The following WWOX variants were observed in gnomAD, a reference collection of about 807,000 sequenced individuals.
The protein encoded by WWOX is WW domain containing oxidoreductase.
In WWOX, 69 loss-of-function variants were observed where a neutral mutation model predicts 46.2. The ratio of observed to expected loss-of-function variants is 1.49; its 90% CI spans 1.23 to 1.82. The LOEUF (loss-of-function observed/expected upper bound fraction) is 1.82, where lower values mean the gene tolerates loss of function less well. Ranked by LOEUF, WWOX falls within the 40% of genes most tolerant of loss-of-function variation. The pLI, the probability that WWOX is intolerant of heterozygous loss-of-function variation, is 0.00. For missense variants in WWOX, 919 were observed against 542.6 expected (o/e 1.69, Z -6.89); for synonymous variants, 359 against 202.6 (o/e 1.77, Z -6.56).
chr16:78,623,438 G>C (rs1364866192), intron 8 of WWOX, among the ~76,000 whole-genome samples: 2 of 152,134 alleles, frequency 1.3e-5, no homozygotes, highest in African/African-American at 4.8e-5. Context: ...CCAGCACTTT[G>C]GGAGACCAAG....
At chr16:78,352,043 C>T (rs1321488272) in intron 5 of WWOX, among the ~76,000 whole-genome samples, 2 of 152,120 alleles carry the variant, frequency 1.3e-5, no homozygotes, top group Non-Finnish European at 1.5e-5. Context: ...GCTTTGGAGT[C>T]AGCGAGACAG....
At chr16:78,718,734 C>T (rs1226518178) in intron 8 of WWOX, among the ~76,000 whole-genome samples, 1 of 151,840 alleles carries the variant, frequency 6.6e-6, no homozygotes, top group Non-Finnish European at 1.5e-5. Flanking sequence ...TCCAATGTTT[C>T]TGAAGGATGT....
intron 8 of WWOX, among the ~76,000 whole-genome samples, chr16:78,868,507 T>G (rs1597083524): frequency 6.6e-6 from 1 of 152,194 alleles, no homozygotes; most frequent in Admixed American, 6.5e-5. Flanking sequence ...TTACAATGGT[T>G]AAATCATATG....
intron 5 of WWOX, among the ~76,000 whole-genome samples, chr16:78,181,274 G>A (rs1255171642): frequency 6.6e-6 from 1 of 152,128 alleles, no homozygotes; most frequent in African/African-American, 2.4e-5. Context: ...GCTTTGCATC[G>A]TGGTGACGGT....
intron 8 of WWOX, among the ~76,000 whole-genome samples, chr16:79,123,289 A>G (rs1194891909): frequency 6.6e-6 from 1 of 152,010 alleles, no homozygotes; most frequent in Non-Finnish European, 1.5e-5. Flanking sequence ...ATCTAAGTTT[A>G]GACGCCCTCC....
chr16:78,932,422 G>A (rs371258015), intron 8 of WWOX, among the ~76,000 whole-genome samples: 39 of 152,256 alleles, frequency 2.6e-4, no homozygotes, highest in African/African-American at 7.7e-4. Context: ...AACATGCTGC[G>A]TCAGAGAGTT....
chr16:78,393,490 C>G (rs928315014), intron 6 of WWOX, among the ~76,000 whole-genome samples: 1 of 151,066 alleles, frequency 6.6e-6, no homozygotes, highest in Admixed American at 6.6e-5. Context: ...GAGACGCTGT[C>G]TCTATATTAC....
chr16:78,527,299 T>TG (rs1298935597), intron 8 of WWOX, among the ~76,000 whole-genome samples: 1 of 149,910 alleles, frequency 6.7e-6, no homozygotes, highest in Non-Finnish European at 1.5e-5. Flanking sequence ...TTTCTTTCTT[T>TG]TTTTTTTTTT....
At chr16:78,231,761 G>A (rs1282589676) in intron 5 of WWOX, among the ~76,000 whole-genome samples, 1 of 152,192 alleles carries the variant, frequency 6.6e-6, no homozygotes, top group South Asian at 2.1e-4. Flanking sequence ...CTGATTCAGA[G>A]AAATCCAGGG....
At chr16:79,107,848 G>A (rs780974937) in intron 8 of WWOX, among the ~76,000 whole-genome samples, 3 of 152,158 alleles carry the variant, frequency 2.0e-5, no homozygotes, top group East Asian at 1.9e-4. Context: ...CTAATAATTC[G>A]ACATTAGTGA....
rs75436342 is a variant in WWOX, at chr16:78,509,301, G to A, written c.1056+76549G>A. ...TAAAAAATACAAAAGTTAGCCGAGC[G>A]TGATGGCCAGCACCTGTAGTCCTAG... On this transcript the variant is annotated intron_variant, in intron 8 of 8. Coordinates refer to ENST00000566780, the MANE Select transcript of WWOX (RefSeq NM_016373.4). Among the ~76,000 whole-genome samples, 620 of 152,222 alleles carry A rather than the reference G, an allele frequency of 4.1e-3. 16 individuals carry two copies. In the East Asian group the frequency reaches 0.067, roughly 16 times the overall value.
chr16:79,196,677 C>G (rs921103413), intron 8 of WWOX, among the ~76,000 whole-genome samples: 11 of 152,144 alleles, frequency 7.2e-5, no homozygotes, highest in Admixed American at 6.5e-4. Flanking sequence ...ACACTACCTC[C>G]AGACCCCCAG....
rs552392541 is a variant in WWOX, at chr16:78,533,958, C to G, written c.1056+101206C>G. ...CAGTGCCAGATACAGAGTAGTAACC[C>G]TACATTCTAGCGTAGGCAAATATTC... On this transcript the variant is annotated intron_variant, in intron 8 of 8. Coordinates refer to ENST00000566780, the MANE Select transcript of WWOX (RefSeq NM_016373.4). 1.6e-3 allele frequency among the ~76,000 whole-genome samples: 251 copies of G among 152,172 alleles called. 1 individual carries two copies. Among genetic ancestry groups the G allele is most frequent in the Non-Finnish European group, 3.2e-3 (215 of 67,994 alleles).
chr16:78,484,608 C>G (rs1464421745), intron 8 of WWOX, among the ~76,000 whole-genome samples: 1 of 152,142 alleles, frequency 6.6e-6, no homozygotes, highest in Admixed American at 6.5e-5. Flanking sequence ...TAATAATTAT[C>G]AAGGTGGCAA....
chr16:78,946,469 G>T (rs1470746005), intron 8 of WWOX, among the ~76,000 whole-genome samples: 1 of 152,178 alleles, frequency 6.6e-6, no homozygotes, highest in African/African-American at 2.4e-5. Context: ...AGGATTAAAG[G>T]TGTGAGCCAC....
intron 1 of WWOX, among the ~76,000 whole-genome samples, chr16:78,101,788 C>T (rs7186147): frequency 0.025 from 3,765 of 152,262 alleles, 162 homozygotes; most frequent in African/African-American, 0.084. Context: ...AAGACACACA[C>T]AGGTATTATG....
At chr16:79,203,545 T>A (rs1197401564) in intron 8 of WWOX, 2 of 149,706 alleles carry the variant, frequency 1.3e-5, no homozygotes, top group Non-Finnish European at 3.0e-5. Context: ...TGTTATAGAA[T>A]ACTTATGGGG....
At chr16:78,815,981 C>T (rs1209856052) in intron 8 of WWOX, among the ~76,000 whole-genome samples, 2 of 152,202 alleles carry the variant, frequency 1.3e-5, no homozygotes, top group South Asian at 2.1e-4. Flanking sequence ...CTTGTGTGTC[C>T]TTCCTGGGAT....
At chr16:79,005,865 C>T (rs2047179709) in intron 8 of WWOX, among the ~76,000 whole-genome samples, 1 of 152,144 alleles carries the variant, frequency 6.6e-6, no homozygotes, top group African/African-American at 2.4e-5. Flanking sequence ...ATAGCTCAGG[C>T]CAAGAGAGAA....
Sources: allele counts gnomAD v4.1 joint callset (sites outside exome capture counted in the v4.1 genomes callset), GRCh38; gene constraint gnomAD v4.1.1; transcripts MANE v1.5; gene names NCBI Gene and HGNC (gene_info 2026-07-23, HGNC 2026-07-21).